LNX2: variants seen among roughly 807,000 people sequenced by gnomAD.
LNX2 encodes ligand of Numb protein X 2.
LNX2 carries 35 observed loss-of-function variants against 66.2 expected under a neutral mutation model. The ratio of observed to expected loss-of-function variants is 0.53; its 90% confidence interval spans 0.40 to 0.70. The LOEUF is 0.70. Ranked by LOEUF, LNX2 falls within the 30% of genes least tolerant of loss-of-function variation. The probability of loss-of-function intolerance (pLI) is 0.00; values close to 1 mark genes in which losing one functional copy is unlikely to be tolerated. For missense variants in LNX2, 791 were observed against 850.8 expected, an observed-to-expected ratio of 0.93 and a Z score of 0.87; for synonymous variants, 337 against 315.6, an observed-to-expected ratio of 1.07 and a Z score of -0.72.
chr13:27,608,076 T>C (rs912375107), intron 1 of LNX2, among the ~76,000 whole-genome samples: 1 of 152,220 alleles, frequency 6.6e-6, no homozygotes, highest in African/African-American at 2.4e-5. Context: ...ATTGCTATAG[T>C]CTCACCATGT....
chr13:27,605,462 T>C (rs543758777), intron 1 of LNX2, among the ~76,000 whole-genome samples: 1 of 152,216 alleles, frequency 6.6e-6, no homozygotes, highest in Non-Finnish European at 1.5e-5. Context: ...CTATGTGGCA[T>C]AAACTAAAAT....
upstream of LNX2, among the ~76,000 whole-genome samples, chr13:27,620,591 G>A (rs530277751): frequency 1.2e-4 from 18 of 152,298 alleles, 1 homozygote; most frequent in South Asian, 3.5e-3. Flanking sequence ...CTTCCCGGGG[G>A]CAGCGCCAAG....
intron 7 of LNX2, among the ~76,000 whole-genome samples, chr13:27,554,801 A>AC (rs1462129850): frequency 1.3e-5 from 2 of 152,240 alleles, no homozygotes; most frequent in African/African-American, 4.8e-5. Context: ...TTGAGGAACT[A>AC]CCAAACCGTT....
chr13:27,578,829 G>A (rs1177769710), intron 2 of LNX2, among the ~76,000 whole-genome samples: 1 of 152,162 alleles, frequency 6.6e-6, no homozygotes, highest in Non-Finnish European at 1.5e-5. Context: ...TCCCAGCTGT[G>A]GCACACATAA....
Position 27,567,649 on chromosome 13 carries a change from C to T in LNX2, c.846G>A (p.Gln282=). Residue 282 remains glutamine, a synonymous_variant, in exon 4 of 10, where the codon CAG becomes CAA. Coordinates refer to ENST00000316334, the MANE Select transcript of LNX2 (RefSeq NM_153371.4). Reference sequence around the variant, plus strand: ...TAATTAAAACTGATACCTGAAGAATCTGGTCTCCAGCAAGAAGTCTCCCGT... The same window carrying T: ...TAATTAAAACTGATACCTGAAGAATTTGGTCTCCAGCAAGAAGTCTCCCGT... ...ARDGRLLAGD[Q]ILQVNNYNIS... 1.2e-6 allele frequency: 2 copies of T among 1,613,714 alleles called. No individual in the cohort carries two copies. The highest frequency in any genetic ancestry group is 2.2e-5 in the South Asian group (2 of 91,070).
intron 1 of LNX2, among the ~76,000 whole-genome samples, chr13:27,609,617 A>T (rs149752487): frequency 2.6e-5 from 4 of 152,372 alleles, no homozygotes; most frequent in Admixed American, 6.5e-5. Flanking sequence ...AAAATCATGC[A>T]GAGCAACTGT....
At chr13:27,590,642 C>T (rs990928267) in intron 1 of LNX2, among the ~76,000 whole-genome samples, 1 of 152,064 alleles carries the variant, frequency 6.6e-6, no homozygotes, top group African/African-American at 2.4e-5. Flanking sequence ...GCCCCAGAGC[C>T]AATCTTATAC....
intron 1 of LNX2, among the ~76,000 whole-genome samples, chr13:27,583,252 G>GCA (rs1955437752): frequency 1.8e-5 from 1 of 56,634 alleles, no homozygotes; most frequent in Non-Finnish European, 3.2e-5. Context: ...GTGTGTGTGT[G>GCA]TGTGCGCGCG....
intron 5 of LNX2, among the ~76,000 whole-genome samples, 196 bp from the exon 6 acceptor site, chr13:27,560,181 C>T (rs1004224341): frequency 6.6e-5 from 10 of 152,134 alleles, no homozygotes; most frequent in Admixed American, 2.0e-4. Flanking sequence ...GCAGTTGAAG[C>T]ACATACACAC....
rs117536800 is a variant in LNX2, at chr13:27,546,531, A to C, written c.*1804T>G. The stretch of plus-strand genomic sequence containing the variant: ...CTAAGGGGTTGAACAAGTCAGTAGC[A>C]ATGATTGTTGCTGTATCTTATTCCA... On this transcript the variant is annotated 3_prime_UTR_variant, in exon 10 of 10. Coordinates refer to ENST00000316334, the MANE Select transcript of LNX2 (RefSeq NM_153371.4). 1 of 152,198 alleles carries C rather than the reference A, an allele frequency of 6.6e-6. No individual in the cohort carries two copies. Among genetic ancestry groups the C allele is most frequent in the Non-Finnish European group, 1.5e-5 (1 of 68,020 alleles). 9.4% of individuals were successfully genotyped at this position (152,198 alleles called of 1,614,324 possible).
At chr13:27,595,196 C>T (rs1163684350) in intron 1 of LNX2, among the ~76,000 whole-genome samples, 2 of 152,154 alleles carry the variant, frequency 1.3e-5, no homozygotes, top group African/African-American at 4.8e-5. Context: ...TCTGCAGAAC[C>T]CCCATCCATT....
chr13:27,584,483 G>GTT (rs144094960), intron 1 of LNX2, among the ~76,000 whole-genome samples: 13,671 of 151,726 alleles, frequency 0.09, 658 homozygotes, highest in Middle Eastern at 0.11. Flanking sequence ...GAGCCCAGGA[G>GTT]TGAGGCCAGC....
At position 27,582,726 on chromosome 13, in the gene LNX2, C is replaced by G. The variant is rs189369458; in HGVS notation, c.-100-923G>C. On this transcript the variant is annotated intron_variant, in intron 1 of 9. Transcript: ENST00000316334. ...TGGACACAGGGAGGGGAACATCACA[C>G]ACCAGGGCCTGTCAGGGGATGGGGG... Among the ~76,000 whole-genome samples, 267 of 152,154 alleles carry G rather than the reference C, an allele frequency of 1.8e-3. 2 individuals carry two copies. Among genetic ancestry groups the G allele is most frequent in the Non-Finnish European group, 2.9e-3 (197 of 68,012 alleles).
At chr13:27,560,563 G>GTATATATATATATATATATATATATA (rs1382726431) in intron 5 of LNX2, among the ~76,000 whole-genome samples, 1 of 50,832 alleles carries the variant, frequency 2.0e-5, no homozygotes. Flanking sequence ...ATATGTATGT[G>GTATATATATATATATATATATATATA]TGTATATATA....
intron 5 of LNX2, 26 bp from the exon 6 acceptor site, chr13:27,560,011 A>G (rs754494299): frequency 1.3e-6 from 2 of 1,545,830 alleles, no homozygotes; most frequent in Non-Finnish European, 1.8e-6. Context: ...ATACATTACC[A>G]TAAGTGACTA....
At chr13:27,605,686 C>T (rs1364387913) in intron 1 of LNX2, among the ~76,000 whole-genome samples, 2 of 152,132 alleles carry the variant, frequency 1.3e-5, no homozygotes, top group Non-Finnish European at 2.9e-5. Flanking sequence ...AAAATATCGA[C>T]CTTACAGGGT....
chr13:27,558,756 T>C (rs531867749), intron 6 of LNX2, among the ~76,000 whole-genome samples: 1 of 152,142 alleles, frequency 6.6e-6, no homozygotes, highest in African/African-American at 2.4e-5. Flanking sequence ...GAAATGAGAA[T>C]GAAGTCTGTG....
At chr13:27,573,576 C>CTG (rs917380738) in intron 2 of LNX2, among the ~76,000 whole-genome samples, 1 of 152,048 alleles carries the variant, frequency 6.6e-6, no homozygotes, top group African/African-American at 2.4e-5. Context: ...ATGTTCAGGG[C>CTG]TGTGTGTGTA....
chr13:27,612,927 C>T (rs527380589), intron 1 of LNX2, among the ~76,000 whole-genome samples: 6 of 152,242 alleles, frequency 3.9e-5, no homozygotes, highest in East Asian at 1.9e-4. Flanking sequence ...TATCTTGAAT[C>T]GCCTCTAGAT....
Sources: allele counts gnomAD v4.1 joint callset (sites outside exome capture counted in the v4.1 genomes callset), GRCh38; gene constraint gnomAD v4.1.1; transcripts MANE v1.5; gene names NCBI Gene and HGNC (gene_info 2026-07-23, HGNC 2026-07-21).